Variants in COL1A2 observed in about 807,000 individuals in gnomAD.
COL1A2 encodes collagen alpha-2(I) chain.
A neutral mutation model predicts 174.3 loss-of-function variants in COL1A2; 49 were observed. That is an observed-to-expected ratio of 0.28 (90% CI 0.22 to 0.36). COL1A2 has a LOEUF of 0.36. Ranked by LOEUF, COL1A2 falls within the 10% of genes least tolerant of loss-of-function variation. The probability of loss-of-function intolerance (pLI) is 1.00; values close to 1 mark genes in which losing one functional copy is unlikely to be tolerated. For synonymous variants in COL1A2, 655 were observed against 606.6 expected (o/e 1.08, Z -1.17); for missense variants, 1,438 against 1,822.7 (o/e 0.79, Z 3.84).
In COL1A2 at chr7:94,420,529, T is replaced by TA. The variant is rs777961349; in HGVS notation, c.2188-11dup. 14 of 1,613,992 alleles carry TA rather than the reference T, an allele frequency of 8.7e-6. No individual in the cohort carries two copies. The Admixed American group carries it at 1.7e-4, about 19-fold the overall frequency. ...TCGGAATACCAGAGCTGTAACTGTTTATTTCCAACAGGGTGCTGCTGGTCA... is the reference window on the plus strand; with the variant it reads ...TCGGAATACCAGAGCTGTAACTGTTTAATTTCCAACAGGGTGCTGCTGGTCA... On this transcript the variant is annotated splice_polypyrimidine_tract_variant and intron_variant, in intron 36 of 51. Transcript: ENST00000297268.
At position 94,410,407 on chromosome 7, in the gene COL1A2, T is replaced by G. The variant is rs558500110; in HGVS notation, c.1090-13T>G. On this transcript the variant is annotated splice_polypyrimidine_tract_variant and intron_variant, in intron 20 of 51. Transcript: ENST00000297268. ...TTTTTACTCCCTCTTCTTTTGTTCTTTTCATTAAACAGGGCTCTGCTGGGC... is the reference window on the plus strand; with the variant it reads ...TTTTTACTCCCTCTTCTTTTGTTCTGTTCATTAAACAGGGCTCTGCTGGGC... The G allele has an allele frequency of 6.4e-7, 1 of 1,554,088 alleles. No homozygotes were observed. Among genetic ancestry groups the G allele is most frequent in the South Asian group, 1.2e-5 (1 of 84,328 alleles).
intron 3 of COL1A2, among the ~76,000 whole-genome samples, 180 bp downstream of exon 3, chr7:94,398,576 C>T (rs1010767324): frequency 2.6e-5 from 4 of 151,626 alleles, no homozygotes; most frequent in Non-Finnish European, 5.9e-5. Flanking sequence ...GTTTAATTAT[C>T]TTCTGGAATC....
At chr7:94,399,883 T>A (rs73426383) in intron 4 of COL1A2, among the ~76,000 whole-genome samples, 88 of 152,328 alleles carry the variant, frequency 5.8e-4, no homozygotes, top group African/African-American at 2.1e-3. Flanking sequence ...TGTGCACTGT[T>A]AAACATATGA....
Position 94,406,135 on chromosome 7 carries a change from A to C in COL1A2, c.541-115A>C, listed in dbSNP as rs191157017. 17 of 1,043,726 alleles carry C rather than the reference A, an allele frequency of 1.6e-5. No individual in the cohort carries two copies. In the African/African-American group the frequency reaches 2.0e-4, roughly 13 times the overall value. 64.7% of individuals were successfully genotyped at this position (1,043,726 alleles called of 1,614,324 possible). A position where few individuals can be genotyped will look rare whatever the true frequency, so the allele number is the denominator to read the frequency against. On this transcript the variant is annotated intron_variant, in intron 11 of 51. Transcript: ENST00000297268. ...GACCTGGAACACTGGACTTCTTTCT[A>C]CTGCAGCAGACAAGACTTACCCAAG...
At chr7:94,401,535 A>C (rs745429540) in intron 5 of COL1A2, 32 bp from the exon 6 acceptor site, 2 of 1,007,228 alleles carry the variant, frequency 2.0e-6, no homozygotes, top group Non-Finnish European at 2.6e-6. Context: ...TATTTTATAT[A>C]TATATATAAT....
Position 94,427,691 on chromosome 7 carries a change from G to C in COL1A2, c.3332G>C (p.Gly1111Ala). Residue 1111 changes from glycine to alanine, a missense_variant, in exon 49 of 52, where the codon GGT becomes GCT. Around this residue, in one of 3 missense-constraint regions of COL1A2, gnomAD observed 867 missense variants for 1,213.7 expected, o/e 0.71. Transcript: ENST00000297268. ...PGVSGGGYDF[G>A]YDGDFYRADQ... is the part of the protein sequence containing the mutation. ...GTAAGCGGTGGTGGTTATGACTTTGGTTACGATGGAGACTTCTACAGGGCT... is the reference window on the plus strand; with the variant it reads ...GTAAGCGGTGGTGGTTATGACTTTGCTTACGATGGAGACTTCTACAGGGCT... The C allele has an allele frequency of 1.9e-6, 3 of 1,614,088 alleles. No homozygotes were observed. The highest frequency in any genetic ancestry group is 2.5e-6 in the Non-Finnish European group (3 of 1,180,026).
In COL1A2 at chr7:94,428,496, A is replaced by G. The variant is rs773533776; in HGVS notation, c.3711+19A>G. The G allele has an allele frequency of 4.4e-6, 7 of 1,603,644 alleles. No homozygotes were observed. Among genetic ancestry groups the G allele is most frequent in the Non-Finnish European group, 6.0e-6 (7 of 1,172,006 alleles). ...CAGCCAGGTGAGGAATCCCACAAAC[A>G]CCTCTCCTTCTGCTAAATAATATTT... On this transcript the variant is annotated intron_variant, in intron 50 of 51. Coordinates refer to ENST00000297268, the MANE Select transcript of COL1A2 (RefSeq NM_000089.4).
intron 16 of COL1A2, 146 bp from the exon 17 acceptor site, chr7:94,409,176 A>G (rs1002813676): frequency 4.7e-6 from 4 of 853,748 alleles, no homozygotes; most frequent in Non-Finnish European, 7.9e-6. Context: ...AGGAAACCAA[A>G]CTCAAATCTT....
Position 94,410,315 on chromosome 7 carries a change from C to T in COL1A2, c.1089+20C>T. The T allele has an allele frequency of 6.2e-7, 1 of 1,613,690 alleles. No individual in the cohort carries two copies. The highest frequency in any genetic ancestry group is 8.5e-7 in the Non-Finnish European group (1 of 1,179,784). On this transcript the variant is annotated intron_variant, in intron 20 of 51. Transcript: ENST00000297268. ...GAGCCCGTAAGTAGCTCTATCATCACACTTTTATAAAGTTAATTGTTTTTC... is the reference window on the plus strand; with the variant it reads ...GAGCCCGTAAGTAGCTCTATCATCATACTTTTATAAAGTTAATTGTTTTTC...
intron 46 of COL1A2, 155 bp downstream of exon 46, chr7:94,426,685 C>T: frequency 2.8e-6 from 2 of 724,442 alleles, no homozygotes; most frequent in Non-Finnish European, 4.9e-6. Context: ...GGAGGTAATG[C>T]TATTTCATAC....
rs2115937105 is a variant in COL1A2, at chr7:94,421,943, A to G, written c.2394A>G (p.Pro798=). The change falls in exon 39 of 52, where the codon CCA becomes CCG. Residue 798 remains proline, a synonymous_variant. Coordinates refer to ENST00000297268, the MANE Select transcript of COL1A2 (RefSeq NM_000089.4). ...FPGAAGRTGP[P]GPSGISGPPG... ...GTGCTGCTGGACGGACTGGTCCCCCAGGACCCTCTGTAAGTAAATCACTGT... is the reference window on the plus strand; with the variant it reads ...GTGCTGCTGGACGGACTGGTCCCCCGGGACCCTCTGTAAGTAAATCACTGT... 1 of 1,614,098 alleles carries G rather than the reference A, an allele frequency of 6.2e-7. No homozygotes were observed. Among genetic ancestry groups the G allele is most frequent in the South Asian group, 1.1e-5 (1 of 91,076 alleles).
intron 4 of COL1A2, 93 bp from the exon 5 acceptor site, chr7:94,400,103 T>C (rs774178598): frequency 8.7e-7 from 1 of 1,151,478 alleles, no homozygotes; most frequent in South Asian, 1.2e-5. Flanking sequence ...TACTTGCACA[T>C]AGAAAGGTCT....
At chr7:94,415,385 A>C in intron 30 of COL1A2, 115 bp downstream of exon 30, 2 of 904,962 alleles carry the variant, frequency 2.2e-6, no homozygotes, top group South Asian at 2.7e-5. Context: ...GCTCTTCTAT[A>C]GTCAAATGTA....
intron 50 of COL1A2, 151 bp downstream of exon 50, chr7:94,428,628 C>T (rs1792336332): frequency 2.8e-6 from 2 of 725,958 alleles, no homozygotes; most frequent in South Asian, 3.1e-5. Flanking sequence ...CTAAATTGCA[C>T]ATTAGAAGAT....
intron 6 of COL1A2, among the ~76,000 whole-genome samples, chr7:94,402,942 C>G (rs1298824368): frequency 6.6e-6 from 1 of 152,080 alleles, no homozygotes; most frequent in African/African-American, 2.4e-5. Context: ...TTGACGACTT[C>G]TAATTCCCTA....
At position 94,431,148 on chromosome 7, in the gene COL1A2, T is replaced by A. The variant is rs573912987; in HGVS notation, c.*755T>A. ...TCTTGGGCAAGCAGAAAAATTAAAT[T>A]GTACCTATTTTGTATATGTGAGATG... On this transcript the variant is annotated 3_prime_UTR_variant, in exon 52 of 52. Coordinates refer to ENST00000297268, the MANE Select transcript of COL1A2 (RefSeq NM_000089.4). 1 of 152,726 alleles carries A rather than the reference T, an allele frequency of 6.5e-6. No homozygotes were observed. Among genetic ancestry groups the A allele is most frequent in the African/African-American group, 2.4e-5 (1 of 41,536 alleles). 9.5% of individuals were successfully genotyped at this position (152,726 alleles called of 1,614,324 possible). A position where few individuals can be genotyped will look rare whatever the true frequency, so the allele number is the denominator to read the frequency against.
intron 50 of COL1A2, 90 bp from the exon 51 acceptor site, chr7:94,429,098 C>CTTTTTTTTT: frequency 7.7e-5 from 71 of 927,120 alleles, no homozygotes; most frequent in South Asian, 1.6e-4. Flanking sequence ...TTCCTGAGAT[C>CTTTTTTTTT]TTTTTTTTTC....
At chr7:94,413,413 C>G (rs1791973299) in intron 26 of COL1A2, among the ~76,000 whole-genome samples, 1 of 152,204 alleles carries the variant, frequency 6.6e-6, no homozygotes, top group Non-Finnish European at 1.5e-5. Context: ...GTAGCATTCT[C>G]TGGCCTTTAT....
chr7:94,430,514 T>A lies in COL1A2; in HGVS notation c.*121T>A. 1 of 1,041,664 alleles carries A rather than the reference T, an allele frequency of 9.6e-7. No homozygotes were observed. The highest frequency in any genetic ancestry group is 1.4e-6 in the Non-Finnish European group (1 of 701,130). 64.5% of individuals were successfully genotyped at this position (1,041,664 alleles called of 1,614,324 possible). A position where few individuals can be genotyped will look rare whatever the true frequency, so the allele number is the denominator to read the frequency against. ...CATTTCTTCTGCACATCTACTTGCT[T>A]AAATTGTGGGCAAAAGAGAAAAAGA... On this transcript the variant is annotated 3_prime_UTR_variant, in exon 52 of 52. Coordinates refer to ENST00000297268, the MANE Select transcript of COL1A2 (RefSeq NM_000089.4).
Sources: gnomAD v4.1 joint callset for allele counts (sites outside exome capture counted in the v4.1 genomes callset) on GRCh38, gnomAD v4.1.1 for gene constraint, gnomAD v4.1.1 regional missense constraint, MANE v1.5 for transcripts, NCBI Gene and HGNC (gene_info 2026-07-23, HGNC 2026-07-21) for gene names.